APC: variants seen among roughly 807,000 people sequenced by gnomAD.
APC encodes APC regulator of Wnt signaling pathway.
APC carries 72 observed loss-of-function variants against 247.0 expected under a neutral mutation model. That is an observed-to-expected ratio of 0.29 (90% CI 0.24 to 0.35). The LOEUF (loss-of-function observed/expected upper bound fraction) is 0.35. APC is among the 10% of genes least tolerant of loss of function. The pLI, the probability that APC is intolerant of heterozygous loss-of-function variation, is 1.00. For synonymous variants in APC, 1,254 were observed against 1,162.5 expected, an observed-to-expected ratio of 1.08 and a Z score of -1.60; for missense variants, 3,400 against 3,360.7, an observed-to-expected ratio of 1.01 and a Z score of -0.29.
In APC at chr5:112,841,671, C is replaced by T. The variant is rs2149956426; in HGVS notation, c.6077C>T (p.Ser2026Phe). 6.2e-7 allele frequency: 1 copy of T among 1,613,744 alleles called. No individual in the cohort carries two copies. The highest frequency in any genetic ancestry group is 8.5e-7 in the Non-Finnish European group (1 of 1,179,684). The change falls in exon 16 of 16, where the codon TCT (serine) becomes TTT (phenylalanine). Residue 2026 changes from serine (S) to phenylalanine (F), a missense_variant. This residue lies in a region of APC where 1,788 missense variants were observed against 1,649.5 expected (regional missense o/e 1.08). Transcript: ENST00000257430. This position sits in a 1 kb window ranked among gnomAD's most constrained non-coding sequence, Gnocchi z 4.6. ...CCAGTTTGTTTCTCAAGAAACAGTTCTCTCAGTTCTCTTAGTATTGACTCT... is the reference window on the plus strand; with the variant it reads ...CCAGTTTGTTTCTCAAGAAACAGTTTTCTCAGTTCTCTTAGTATTGACTCT... ...DTPVCFSRNS[S>F]LSSLSIDSED... is the part of the protein sequence containing the mutation.
Position 112,844,477 on chromosome 5 carries a change from A to T in APC, c.*351A>T. Reference sequence around the variant, plus strand: ...ATATGATATATTGCTGTTATCAATCATTTCTAGATTATAAACTGACTAAAC... The same window carrying T: ...ATATGATATATTGCTGTTATCAATCTTTTCTAGATTATAAACTGACTAAAC... On this transcript the variant is annotated 3_prime_UTR_variant, in exon 16 of 16. Transcript: ENST00000257430. 3.9e-6 allele frequency: 1 copy of T among 258,806 alleles called. No homozygotes were observed. The highest frequency in any genetic ancestry group is 7.4e-6 in the Non-Finnish European group (1 of 135,334). The allele number at this position is 258,806 out of a possible 1,614,324, so 16.0% of individuals were successfully genotyped here.
At chr5:112,724,541 A>G (rs1238145683) in intron 1 of APC, among the ~76,000 whole-genome samples, 1 of 150,336 alleles carries the variant, frequency 6.7e-6, no homozygotes, top group African/African-American at 2.5e-5. Flanking sequence ...AGAGCAATAT[A>G]TACGTAATCC....
chr5:112,732,503 T>C (rs942892274), intron 1 of APC, among the ~76,000 whole-genome samples: 7 of 152,250 alleles, frequency 4.6e-5, no homozygotes, highest in African/African-American at 1.7e-4. Context: ...AGTAGAAGGT[T>C]ATATTTTACA....
chr5:112,797,912 A>G (rs1760382524), intron 7 of APC, among the ~76,000 whole-genome samples: 1 of 152,222 alleles, frequency 6.6e-6, no homozygotes, highest in African/African-American at 2.4e-5. Flanking sequence ...GATGGCTTTA[A>G]TCATAAAGGC....
At position 112,842,868 on chromosome 5, in the gene APC, G is replaced by A. The variant is rs1554088214; in HGVS notation, c.7274G>A (p.Ser2425Asn). The part of the protein sequence containing the change: ...ELSRMSSTKS[S>N]GSESDRSERP... Reference sequence around the variant, plus strand: ...TCTAGAATGTCTTCAACTAAATCAAGTGGAAGTGAATCTGATAGATCAGAA... The same window carrying A: ...TCTAGAATGTCTTCAACTAAATCAAATGGAAGTGAATCTGATAGATCAGAA... Residue 2425 changes from serine to asparagine, a missense_variant, in exon 16 of 16, where the codon AGT becomes AAT. This residue lies in a region of APC where 1,788 missense variants were observed against 1,649.5 expected (regional missense o/e 1.08). Transcript: ENST00000257430. The A allele has an allele frequency of 3.7e-6, 6 of 1,613,974 alleles. No individual in the cohort carries two copies. Among genetic ancestry groups the A allele is most frequent in the Middle Eastern group, 1.6e-4 (1 of 6,062 alleles).
At chr5:112,814,446 G>C (rs763510584) in intron 8 of APC, among the ~76,000 whole-genome samples, 2 of 152,062 alleles carry the variant, frequency 1.3e-5, no homozygotes, top group South Asian at 4.2e-4. Flanking sequence ...ATCCAAGCTT[G>C]ACACCTCCAA....
intron 1 of APC, among the ~76,000 whole-genome samples, chr5:112,729,261 G>A (rs1751968125): frequency 6.6e-6 from 1 of 152,156 alleles, no homozygotes; most frequent in Admixed American, 6.5e-5. Flanking sequence ...TTCCACTTTG[G>A]AAAACAATGA....
intron 1 of APC, among the ~76,000 whole-genome samples, chr5:112,749,746 A>G (rs1199085788): frequency 6.6e-6 from 1 of 151,724 alleles, no homozygotes; most frequent in Non-Finnish European, 1.5e-5. Flanking sequence ...TGGCCTCCCA[A>G]AGTGCTGGGA....
chr5:112,824,346 T>C (rs1763433555), intron 11 of APC, among the ~76,000 whole-genome samples: 1 of 152,248 alleles, frequency 6.6e-6, no homozygotes, highest in African/African-American at 2.4e-5. Context: ...ATTTATAGGT[T>C]TAACCTATGA....
At chr5:112,781,432 A>G (rs569667512) in intron 6 of APC, among the ~76,000 whole-genome samples, 5 of 152,354 alleles carry the variant, frequency 3.3e-5, no homozygotes, top group African/African-American at 9.6e-5. Flanking sequence ...ATTATTGAAT[A>G]TAGCCTTTTT....
chr5:112,753,934 A>G (rs1754662726), intron 1 of APC, among the ~76,000 whole-genome samples: 1 of 152,208 alleles, frequency 6.6e-6, no homozygotes, highest in South Asian at 2.1e-4. Flanking sequence ...CCTAAACTAA[A>G]AAGAGAATGT....
chr5:112,759,275 A>T (rs374552346), intron 2 of APC, among the ~76,000 whole-genome samples: 5 of 152,086 alleles, frequency 3.3e-5, no homozygotes, highest in South Asian at 4.1e-4. Context: ...TGAAATGACA[A>T]AGTTGCTCAT....
chr5:112,723,097 T>TAG (rs1048194321), intron 1 of APC, among the ~76,000 whole-genome samples: 1 of 151,708 alleles, frequency 6.6e-6, no homozygotes, highest in African/African-American at 2.4e-5. Context: ...AGGAGAAGGC[T>TAG]AGAGAGAGAG....
intron 4 of APC, 25 bp downstream of exon 4, chr5:112,767,415 A>T (rs750125280): frequency 6.4e-7 from 1 of 1,557,376 alleles, no homozygotes; most frequent in South Asian, 1.1e-5. Flanking sequence ...TATAGTAAAC[A>T]TTGCCTTGTG....
intron 1 of APC, among the ~76,000 whole-genome samples, chr5:112,718,491 T>C (rs1473455659): frequency 6.6e-6 from 1 of 152,234 alleles, no homozygotes; most frequent in Non-Finnish European, 1.5e-5. Context: ...AATGCTGTTT[T>C]CACTGCAGTC....
chr5:112,746,989 A>G (rs1185950856), intron 1 of APC, among the ~76,000 whole-genome samples: 3 of 152,210 alleles, frequency 2.0e-5, no homozygotes, highest in African/African-American at 4.8e-5. Context: ...TATATATACT[A>G]GCAATATTTG....
intron 1 of APC, among the ~76,000 whole-genome samples, chr5:112,752,133 A>G (rs1025258117): frequency 1.3e-5 from 2 of 152,052 alleles, no homozygotes; most frequent in Non-Finnish European, 2.9e-5. Flanking sequence ...ATTTGTTTGC[A>G]TAGAGTTGAG....
At chr5:112,744,153 C>A (rs761811157) in intron 1 of APC, among the ~76,000 whole-genome samples, 1 of 152,058 alleles carries the variant, frequency 6.6e-6, no homozygotes, top group Non-Finnish European at 1.5e-5. Flanking sequence ...TGTAACATAT[C>A]TTTTTATGAA....
At chr5:112,797,102 A>G (rs1426106135) in intron 7 of APC, among the ~76,000 whole-genome samples, 1 of 152,124 alleles carries the variant, frequency 6.6e-6, no homozygotes, top group Non-Finnish European at 1.5e-5. Flanking sequence ...TTTTATTCAT[A>G]TTATTGGATT....
Sources: allele counts gnomAD v4.1 joint callset (sites outside exome capture counted in the v4.1 genomes callset), GRCh38; gene constraint gnomAD v4.1.1; regional missense constraint gnomAD v4.1.1; non-coding constraint Gnocchi (gnomAD v3.1); transcripts MANE v1.5; gene names NCBI Gene and HGNC (gene_info 2026-07-23, HGNC 2026-07-21).